Variants in NEBL observed in about 807,000 individuals in gnomAD.
NEBL encodes nebulette.
Under a neutral mutation model 140.2 loss-of-function variants are expected in NEBL, and 122 were observed. That is an observed-to-expected ratio of 0.87 (90% confidence interval 0.75 to 1.01). The LOEUF is 1.01. Ranked by LOEUF, NEBL falls within the 50% of genes least tolerant of loss-of-function variation. NEBL has a pLI of 0.00. For synonymous variants in NEBL, 436 were observed against 398.9 expected (o/e 1.09, Z -1.11); for missense variants, 1,365 against 1,231.3 (o/e 1.11, Z -1.62).
chr10:21,076,281 A>G (rs1050140471), intron 2 of NEBL, among the ~76,000 whole-genome samples: 5 of 151,702 alleles, frequency 3.3e-5, no homozygotes, highest in Non-Finnish European at 7.4e-5. Flanking sequence ...CATCTCTACT[A>G]AAAATACAAA....
intron 3 of NEBL, among the ~76,000 whole-genome samples, chr10:21,197,553 G>C (rs528568802): frequency 1.6e-4 from 24 of 152,238 alleles, no homozygotes; most frequent in African/African-American, 5.3e-4. Context: ...GGGAAGAAGT[G>C]GGGAAGGGGA....
intron 2 of NEBL, among the ~76,000 whole-genome samples, chr10:21,061,904 A>G (rs1835323336): frequency 6.6e-6 from 1 of 152,210 alleles, no homozygotes; most frequent in Non-Finnish European, 1.5e-5. Context: ...GCTGCACTTT[A>G]GGTTAACATA....
chr10:21,005,349 C>T (rs887785866), intron 3 of NEBL, among the ~76,000 whole-genome samples: 1 of 152,184 alleles, frequency 6.6e-6, no homozygotes, highest in African/African-American at 2.4e-5. Context: ...CCAGATTAGT[C>T]CCCAGCAGCC....
upstream of NEBL, chr10:20,899,300 G>A (rs1847737081): frequency 3.3e-6 from 3 of 905,952 alleles, no homozygotes; most frequent in Middle Eastern, 5.2e-4. Flanking sequence ...AACTGCCTGA[G>A]ACACACCTTT....
At chr10:20,991,185 A>C (rs1434363633) in intron 3 of NEBL, among the ~76,000 whole-genome samples, 3 of 152,138 alleles carry the variant, frequency 2.0e-5, no homozygotes, top group Non-Finnish European at 2.9e-5. Context: ...CTATTTCCTA[A>C]ATGGGGAATT....
At chr10:21,205,828 A>G (rs776547816) in intron 3 of NEBL, among the ~76,000 whole-genome samples, 9 of 152,208 alleles carry the variant, frequency 5.9e-5, no homozygotes, top group Non-Finnish European at 1.3e-4. Context: ...GATAGGTAGG[A>G]AAGTGTGATT....
At position 20,808,525 on chromosome 10, in the gene NEBL, G is replaced by A. The variant is rs568547474; in HGVS notation, c.2746C>T (p.Pro916Ser). ...SFSCCSEVTR[P>S]SDEGAPVLPG... ...TGTTTGATACCTCCTTCATCAGACGGTCTTGTTACCTCACTGCAGCATGAA... is the reference window on the plus strand; with the variant it reads ...TGTTTGATACCTCCTTCATCAGACGATCTTGTTACCTCACTGCAGCATGAA... The change falls in exon 26 of 28, where the codon CCG becomes TCG. Residue 916 changes from proline to serine, a missense_variant. Transcript: ENST00000377122. The A allele has an allele frequency of 6.2e-7, 1 of 1,613,836 alleles. No individual in the cohort carries two copies. The highest frequency in any genetic ancestry group is 1.3e-5 in the African/African-American group (1 of 74,982).
Position 21,252,124 on chromosome 10 carries a change from A to G in NEBL, n.183-296T>C, listed in dbSNP as rs116327586. Among the ~76,000 whole-genome samples the G allele has an allele frequency of 1.9e-3, 285 of 152,322 alleles. 3 individuals carry two copies. The highest frequency in any genetic ancestry group is 6.5e-3 in the African/African-American group (272 of 41,574). On this transcript the variant is annotated intron_variant and non_coding_transcript_variant, in intron 1 of 8. Transcript: ENST00000675702. ...TACCTCATAGCCTTGGCTTATAGAAAAGTCTCCGGCTTTTGAAGTATTAAA... is the reference window on the plus strand; with the variant it reads ...TACCTCATAGCCTTGGCTTATAGAAGAGTCTCCGGCTTTTGAAGTATTAAA...
At chr10:20,888,048 G>A (rs755647147) in intron 4 of NEBL, 49 bp downstream of exon 4, 1 of 1,281,826 alleles carries the variant, frequency 7.8e-7, no homozygotes, top group Non-Finnish European at 1.1e-6. Flanking sequence ...CTTTTTTCCA[G>A]TTATATGTTT....
At chr10:20,987,883 G>A (rs1837315624) in intron 3 of NEBL, among the ~76,000 whole-genome samples, 1 of 152,006 alleles carries the variant, frequency 6.6e-6, no homozygotes, top group Admixed American at 6.6e-5. Context: ...CCACCTACTG[G>A]AATTGCCCAC....
intron 2 of NEBL, among the ~76,000 whole-genome samples, chr10:21,098,225 C>G (rs542118318): frequency 5.5e-4 from 84 of 152,070 alleles, no homozygotes; most frequent in Non-Finnish European, 1.1e-3. Flanking sequence ...CTCACTCACA[C>G]GTGCACACAT....
intron 23 of NEBL, chr10:20,813,652 G>A: frequency 6.2e-6 from 2 of 324,110 alleles, no homozygotes; most frequent in South Asian, 9.2e-5. Context: ...TTTTGTCTTA[G>A]AATTAATTGG....
In NEBL at chr10:20,845,342, C is replaced by A. The variant is rs769000175; in HGVS notation, c.1143G>T (p.Lys381Asn). The change falls in exon 12 of 28, where the codon AAG (lysine) becomes AAT (asparagine). Residue 381 changes from lysine (K) to asparagine (N), a missense_variant. This residue lies in a region of NEBL where 1,323 missense variants were observed against 1,154.8 expected (regional missense o/e 1.15). Coordinates refer to ENST00000377122, the MANE Select transcript of NEBL (RefSeq NM_006393.3). ...SEKVYKEDFE[K>N]EIKGRSSLDL... ...CCAGTGATGACCTTCCTTTAATCTC[C>A]TTCTCAAAATCCTCTTTGTAAACTT... The A allele has an allele frequency of 6.2e-7, 1 of 1,601,416 alleles. No homozygotes were observed. Among genetic ancestry groups the A allele is most frequent in the East Asian group, 2.2e-5 (1 of 44,708 alleles).
chr10:20,817,695 A>G lies in NEBL; in HGVS notation c.2056-3T>C. 1 of 1,602,244 alleles carries G rather than the reference A, an allele frequency of 6.2e-7. No homozygotes were observed. Among genetic ancestry groups the G allele is most frequent in the Admixed American group, 1.7e-5 (1 of 59,998 alleles). On this transcript the variant is annotated splice_polypyrimidine_tract_variant and splice_region_variant and intron_variant, in intron 20 of 27. Transcript: ENST00000377122. ...TGAAGTTCTCCCTTATATTTTACCT[A>G]AGAAGGATAAATAAGAACTTTAACA... is the stretch of plus-strand genomic sequence containing the variant.
At chr10:20,840,294 G>A (rs1277057957) in intron 13 of NEBL, among the ~76,000 whole-genome samples, 1 of 152,106 alleles carries the variant, frequency 6.6e-6, no homozygotes, top group Non-Finnish European at 1.5e-5. Context: ...TAAAGTGCAT[G>A]AAAAGTGAGC....
At chr10:20,864,727 C>G (rs1419102874) in intron 7 of NEBL, among the ~76,000 whole-genome samples, 1 of 152,104 alleles carries the variant, frequency 6.6e-6, no homozygotes, top group Non-Finnish European at 1.5e-5. Context: ...AGTTTAGGAG[C>G]AAACTAAAAA....
chr10:20,814,763 A>ACT (rs148308393), intron 22 of NEBL, among the ~76,000 whole-genome samples: 2,518 of 152,204 alleles, frequency 0.017, 74 homozygotes, highest in East Asian at 0.1. Flanking sequence ...CATACAAGCT[A>ACT]CTCTATTTCT....
intron 2 of NEBL, among the ~76,000 whole-genome samples, chr10:21,082,714 T>C (rs903084179): frequency 4.6e-5 from 7 of 151,264 alleles, no homozygotes; most frequent in African/African-American, 9.7e-5. Flanking sequence ...GACTTGAAAA[T>C]ACATTTATTT....
chr10:21,006,445 G>C (rs1358587535), intron 3 of NEBL, among the ~76,000 whole-genome samples: 2 of 152,166 alleles, frequency 1.3e-5, no homozygotes. Flanking sequence ...GTGCTTAGAA[G>C]GCAGGGAGTC....
Sources: allele counts gnomAD v4.1 joint callset (sites outside exome capture counted in the v4.1 genomes callset), GRCh38; gene constraint gnomAD v4.1.1; regional missense constraint gnomAD v4.1.1; transcripts MANE v1.5; gene names NCBI Gene and HGNC (gene_info 2026-07-23, HGNC 2026-07-21).